Variants in TENM3 observed in about 807,000 individuals in gnomAD.
TENM3 encodes teneurin transmembrane protein 3.
A neutral mutation model predicts 255.1 loss-of-function variants in TENM3; 63 were observed. The observed-to-expected ratio is 0.25, with a 90% confidence interval of 0.20 to 0.30. The LOEUF is 0.30. Among genes scored for constraint, TENM3 ranks in the 10% least tolerant of loss-of-function variants. The pLI is 1.00. For synonymous variants in TENM3, 1,306 were observed against 1,322.3 expected, an observed-to-expected ratio of 0.99 and a Z score of 0.27; for missense variants, 2,929 against 3,461.1, an observed-to-expected ratio of 0.85 and a Z score of 3.86.
chr4:181,600,997 T>C, the TENM3 span, among the ~76,000 whole-genome samples: 2 of 152,236 alleles, frequency 1.3e-5, no homozygotes, highest in East Asian at 1.9e-4. Flanking sequence ...GCCCTTTGCA[T>C]TTCCATGTTT....
At chr4:181,885,473 G>C in the TENM3 span, among the ~76,000 whole-genome samples, 2 of 152,130 alleles carry the variant, frequency 1.3e-5, no homozygotes, top group Non-Finnish European at 1.5e-5. Flanking sequence ...ATGTTGGCCA[G>C]GATGGTTTTA....
At chr4:181,540,036 A>G in the TENM3 span, among the ~76,000 whole-genome samples, 1 of 152,126 alleles carries the variant, frequency 6.6e-6, no homozygotes, top group African/African-American at 2.4e-5. Context: ...TGGAGTGGGG[A>G]ACATACAAAA....
At chr4:181,538,089 T>C in the TENM3 span, among the ~76,000 whole-genome samples, 1 of 152,190 alleles carries the variant, frequency 6.6e-6, no homozygotes, top group Non-Finnish European at 1.5e-5. Context: ...ATATTTTCAA[T>C]TATAATTGCT....
At chr4:182,721,982 T>C (rs1369352990) in intron 13 of TENM3, among the ~76,000 whole-genome samples, 1 of 152,138 alleles carries the variant, frequency 6.6e-6, no homozygotes, top group Admixed American at 6.5e-5. Context: ...GTTGCAAATA[T>C]TTTATCCCAG....
At chr4:181,738,131 G>A in the TENM3 span, among the ~76,000 whole-genome samples, 5 of 151,918 alleles carry the variant, frequency 3.3e-5, no homozygotes, top group Non-Finnish European at 7.4e-5. Context: ...TGTTTTCATC[G>A]TACACTATCA....
the TENM3 span, among the ~76,000 whole-genome samples, chr4:181,897,298 A>G: frequency 6.6e-6 from 1 of 152,190 alleles, no homozygotes; most frequent in African/African-American, 2.4e-5. Flanking sequence ...TATTCAGCCC[A>G]TTTTTTATCC....
chr4:182,776,772 G>A (rs555752985), intron 24 of TENM3, among the ~76,000 whole-genome samples: 33 of 152,284 alleles, frequency 2.2e-4, no homozygotes, highest in African/African-American at 7.5e-4. Context: ...CTTGAGGAAG[G>A]AAGAGGCCAG....
At chr4:182,725,499 C>CT (rs998884647) in intron 13 of TENM3, among the ~76,000 whole-genome samples, 5 of 152,058 alleles carry the variant, frequency 3.3e-5, no homozygotes, top group Non-Finnish European at 7.4e-5. Flanking sequence ...ATAGTATAGT[C>CT]TTTCTTCCAC....
chr4:182,350,598 G>T (rs1325727927), intron 3 of TENM3, among the ~76,000 whole-genome samples: 1 of 152,210 alleles, frequency 6.6e-6, no homozygotes, highest in Non-Finnish European at 1.5e-5. Context: ...TAAAATCAGT[G>T]TGATGGGATA....
the TENM3 span, among the ~76,000 whole-genome samples, chr4:182,066,596 AAAAATATAT>A: frequency 4.7e-5 from 1 of 21,346 alleles, no homozygotes; most frequent in African/African-American, 8.0e-5. Context: ...ATGGTAAAAA[AAAAATATAT>A]ATATATATAT....
At chr4:181,665,811 A>G in the TENM3 span, among the ~76,000 whole-genome samples, 1 of 152,152 alleles carries the variant, frequency 6.6e-6, no homozygotes, top group African/African-American at 2.4e-5. Context: ...GCAAATAATA[A>G]TGTTCAAGAA....
chr4:181,680,863 A>G, the TENM3 span, among the ~76,000 whole-genome samples: 1 of 152,100 alleles, frequency 6.6e-6, no homozygotes, highest in African/African-American at 2.4e-5. Context: ...TTTCCATCTC[A>G]ATTATCCAAA....
chr4:181,709,710 C>T, the TENM3 span, among the ~76,000 whole-genome samples: 1 of 152,208 alleles, frequency 6.6e-6, no homozygotes, highest in Non-Finnish European at 1.5e-5. Context: ...TAGGAGGGGA[C>T]AGCCATGGAA....
the TENM3 span, among the ~76,000 whole-genome samples, chr4:181,480,363 CTAAATT>C: frequency 1.3e-5 from 2 of 152,106 alleles, no homozygotes; most frequent in South Asian, 2.1e-4. Flanking sequence ...TTGTAAAAAA[CTAAATT>C]TAAGTTACAC....
chr4:182,081,263 G>A, the TENM3 span, among the ~76,000 whole-genome samples: 1 of 151,900 alleles, frequency 6.6e-6, no homozygotes, highest in Non-Finnish European at 1.5e-5. Flanking sequence ...TGTATTTTGT[G>A]GGCACCAAGT....
chr4:182,295,336 C>G (rs1180490921), intron 1 of TENM3, among the ~76,000 whole-genome samples: 1 of 140,414 alleles, frequency 7.1e-6, no homozygotes, highest in Non-Finnish European at 1.5e-5. Context: ...GATGCGATCT[C>G]GGCTCACTGC....
Position 182,297,340 on chromosome 4 carries a change from T to C in TENM3, c.-75-26606T>C, listed in dbSNP as rs1156378708. On this transcript the variant is annotated intron_variant, in intron 1 of 27. Coordinates refer to ENST00000511685, the MANE Select transcript of TENM3 (RefSeq NM_001080477.4). ...CAGTTTCCTATGGTCCACCCAATAC[T>C]GAAATAAATAATTTATACAATTATT... 2.6e-5 allele frequency among the ~76,000 whole-genome samples: 4 copies of C among 152,356 alleles called. No individual in the cohort carries two copies. The East Asian group carries it at 7.7e-4, about 29-fold the overall frequency.
chr4:182,593,576 C>T (rs1457092718), intron 3 of TENM3, among the ~76,000 whole-genome samples: 1 of 152,112 alleles, frequency 6.6e-6, no homozygotes, highest in African/African-American at 2.4e-5. Context: ...ACGTGTGTAG[C>T]CAGGCCACAT....
At chr4:181,901,565 G>A in the TENM3 span, among the ~76,000 whole-genome samples, 6 of 152,190 alleles carry the variant, frequency 3.9e-5, no homozygotes. Flanking sequence ...GAGAGTCTAT[G>A]AGCTTTATGA....
Sources: allele counts gnomAD v4.1 joint callset (sites outside exome capture counted in the v4.1 genomes callset), GRCh38; gene constraint gnomAD v4.1.1; transcripts MANE v1.5; gene names NCBI Gene and HGNC (gene_info 2026-07-23, HGNC 2026-07-21).